Variants in CDH23 observed in about 807,000 individuals in gnomAD.
The protein encoded by CDH23 is cadherin related 23.
CDH23 carries 189 observed loss-of-function variants against 317.1 expected under a neutral mutation model. The observed-to-expected ratio is 0.60, with a 90% confidence interval of 0.53 to 0.67. CDH23 has a LOEUF of 0.67. CDH23 is among the 30% of genes least tolerant of loss of function. CDH23 has a pLI of 0.00. For synonymous variants in CDH23, 1,839 were observed against 1,876.8 expected (o/e 0.98, Z 0.52); for missense variants, 4,401 against 4,592.4 (o/e 0.96, Z 1.20).
chr10:71,703,963 G>A (rs1865684934), intron 24 of CDH23, among the ~76,000 whole-genome samples: 1 of 152,180 alleles, frequency 6.6e-6, no homozygotes, highest in African/African-American at 2.4e-5. Context: ...TCACATACAC[G>A]ATGAGGGCCC....
At chr10:71,514,703 C>G (rs1854181886) in intron 6 of CDH23, among the ~76,000 whole-genome samples, 1 of 152,152 alleles carries the variant, frequency 6.6e-6, no homozygotes, top group Non-Finnish European at 1.5e-5. Flanking sequence ...GGTGAAAGGC[C>G]CTGCAATTCA....
At position 71,807,291 on chromosome 10, in the gene CDH23, G is replaced by C. The variant is rs577340423; in HGVS notation, c.8193G>C (p.Gln2731His). Residue 2731 changes from glutamine (Q) to histidine (H), a missense_variant, in exon 58 of 70, where the codon CAG becomes CAC. Physicochemically the swap from Gln to His is conservative, Grantham distance 24. Coordinates refer to ENST00000224721, the MANE Select transcript of CDH23 (RefSeq NM_022124.6). The part of the protein sequence containing the change: ...LFVRPPKGSP[Q>H]YQLLTVPEHS... Reference sequence around the variant, plus strand: ...TCCCTCTGCAGAAAGGCAGCCCCCAGTACCAGCTGCTGACAGTGCCTGAGC... The same window carrying C: ...TCCCTCTGCAGAAAGGCAGCCCCCACTACCAGCTGCTGACAGTGCCTGAGC... 1 of 1,613,750 alleles carries C rather than the reference G, an allele frequency of 6.2e-7. No individual in the cohort carries two copies. Among genetic ancestry groups the C allele is most frequent in the African/African-American group, 1.3e-5 (1 of 75,044 alleles).
At chr10:71,715,865 A>G in intron 28 of CDH23, 1 of 1,387,396 alleles carries the variant, frequency 7.2e-7, no homozygotes, top group East Asian at 2.7e-5. Context: ...AGCCTGCAGC[A>G]CCGGTCTCTG....
rs373480195 is a variant in CDH23 at position 71,740,853 on chromosome 10, G to T, written c.4520G>T (p.Arg1507Leu). ...GCTTCTGACCGAGGCACCCCTCCAC[G>T]GAAGAAGGACCACATCCTGCAGGTG... is the stretch of plus-strand genomic sequence containing the variant. ...VVASDRGTPP[R>L]KKDHILQVTI... is the part of the protein sequence containing the mutation. Residue 1507 changes from arginine (R) to leucine (L), a missense_variant, in exon 37 of 70, where the codon CGG (arginine) becomes CTG (leucine). By Grantham distance (102) the Arg-to-Leu change is moderately radical (BLOSUM62 -2). This residue lies in a region of CDH23 where 3,068 missense variants were observed against 3,203.3 expected (regional missense o/e 0.96). Coordinates refer to ENST00000224721, the MANE Select transcript of CDH23 (RefSeq NM_022124.6). 1 of 1,613,770 alleles carries T rather than the reference G, an allele frequency of 6.2e-7. No homozygotes were observed. Among genetic ancestry groups the T allele is most frequent in the Non-Finnish European group, 8.5e-7 (1 of 1,179,858 alleles).
intron 28 of CDH23, chr10:71,713,126 G>T: frequency 1.3e-6 from 1 of 777,508 alleles, no homozygotes. Flanking sequence ...AGAAAGAGAC[G>T]TCACAATTTC....
chr10:71,671,567 A>C (rs1186975305), intron 14 of CDH23, among the ~76,000 whole-genome samples: 2 of 152,174 alleles, frequency 1.3e-5, no homozygotes. Flanking sequence ...ACCACAAACA[A>C]GTCTTGCTTG....
At chr10:71,536,064 C>A (rs1019155037) in intron 6 of CDH23, among the ~76,000 whole-genome samples, 1 of 152,250 alleles carries the variant, frequency 6.6e-6, no homozygotes, top group African/African-American at 2.4e-5. Flanking sequence ...AAGGTGCACG[C>A]GCCTTGCTGT....
chr10:71,423,200 G>C (rs1383437271), intron 1 of CDH23, among the ~76,000 whole-genome samples: 1 of 152,218 alleles, frequency 6.6e-6, no homozygotes, highest in Non-Finnish European at 1.5e-5. Context: ...AGTGCATGGA[G>C]GGTTCGAACG....
At chr10:71,484,164 C>T (rs532160622) in intron 3 of CDH23, among the ~76,000 whole-genome samples, 3 of 152,166 alleles carry the variant, frequency 2.0e-5, no homozygotes, top group African/African-American at 7.2e-5. Context: ...ACAGTCGAGC[C>T]GCTCTTAAAT....
chr10:71,604,314 G>T (rs1036371465), intron 9 of CDH23, among the ~76,000 whole-genome samples: 13 of 152,166 alleles, frequency 8.5e-5, no homozygotes, highest in Admixed American at 1.3e-4. Context: ...AATTTTAAAA[G>T]CTAAGAGTGG....
intron 9 of CDH23, among the ~76,000 whole-genome samples, chr10:71,584,574 G>GTGTGTGTGTGTGTGTGTT (rs1185955550): frequency 1.3e-5 from 2 of 149,630 alleles, no homozygotes; most frequent in Admixed American, 1.3e-4. Flanking sequence ...GTGTGTGTGT[G>GTGTGTGTGTGTGTGTGTT]TACGCAGGGA....
chr10:71,548,924 C>T (rs117306415), intron 6 of CDH23, among the ~76,000 whole-genome samples: 24 of 152,298 alleles, frequency 1.6e-4, no homozygotes, highest in East Asian at 3.9e-4. Context: ...TCACCATAAC[C>T]GATAGCTCAT....
chr10:71,591,106 C>T (rs1859465990), intron 9 of CDH23, among the ~76,000 whole-genome samples: 1 of 151,942 alleles, frequency 6.6e-6, no homozygotes, highest in Non-Finnish European at 1.5e-5. Context: ...AGAAATCGCT[C>T]CTCCATCACA....
In CDH23 at chr10:71,707,079, A is replaced by G. The variant is rs563688802; in HGVS notation, c.3106+30A>G. Reference sequence around the variant, plus strand: ...TGCCCCGGCCTCCGCCCACCTGTGCAGGCCTCCTGGGGCCCTGCCTCCACC... The same window carrying G: ...TGCCCCGGCCTCCGCCCACCTGTGCGGGCCTCCTGGGGCCCTGCCTCCACC... On this transcript the variant is annotated intron_variant, in intron 26 of 69. Coordinates refer to ENST00000224721, the MANE Select transcript of CDH23 (RefSeq NM_022124.6). The G allele has an allele frequency of 3.2e-5, 51 of 1,586,236 alleles. No homozygotes were observed. In the East Asian group the frequency reaches 1.1e-3, roughly 34 times the overall value.
Position 71,577,895 on chromosome 10 carries a change from C to A in CDH23, c.754-19C>A. On this transcript the variant is annotated intron_variant, in intron 8 of 69. Coordinates refer to ENST00000224721, the MANE Select transcript of CDH23 (RefSeq NM_022124.6). Reference sequence around the variant, plus strand: ...CAGCCAGGGGACCCAAACTCAAGTCCCTCCTCTCTTCTGCCCAGGGCACGA... The same window carrying A: ...CAGCCAGGGGACCCAAACTCAAGTCACTCCTCTCTTCTGCCCAGGGCACGA... 6.3e-7 allele frequency: 1 copy of A among 1,579,122 alleles called. No homozygotes were observed.
intron 1 of CDH23, among the ~76,000 whole-genome samples, chr10:71,432,387 G>A (rs7474768): frequency 0.37 from 54,372 of 145,120 alleles, 11,606 homozygotes; most frequent in East Asian, 0.5. Flanking sequence ...GAGTGTGTGA[G>A]TTGTGTGGTG....
At chr10:71,412,920 G>A (rs963031428) in intron 1 of CDH23, among the ~76,000 whole-genome samples, 19 of 152,210 alleles carry the variant, frequency 1.2e-4, no homozygotes, top group East Asian at 5.8e-4. Flanking sequence ...TATGTTCACC[G>A]TCCTCTGGGT....
intron 9 of CDH23, among the ~76,000 whole-genome samples, chr10:71,583,565 G>A (rs1242432173): frequency 1.3e-5 from 2 of 152,152 alleles, no homozygotes; most frequent in East Asian, 1.9e-4. Context: ...GGGCATGGAG[G>A]CCTTAGAGGA....
At chr10:71,705,731 G>A (rs766313503) in intron 25 of CDH23, among the ~76,000 whole-genome samples, 16 of 152,188 alleles carry the variant, frequency 1.1e-4, no homozygotes, top group Non-Finnish European at 2.4e-4. Flanking sequence ...TTAATTTTCA[G>A]GACAGGATGC....
Sources: allele counts gnomAD v4.1 joint callset (sites outside exome capture counted in the v4.1 genomes callset), GRCh38; gene constraint gnomAD v4.1.1; regional missense constraint gnomAD v4.1.1; transcripts MANE v1.5; gene names NCBI Gene and HGNC (gene_info 2026-07-23, HGNC 2026-07-21).